The following CSMD2 variants were observed in gnomAD, a reference collection of about 807,000 sequenced individuals.
CSMD2 encodes CUB and Sushi multiple domains 2, also known as CUB and sushi domain-containing protein 2.
In CSMD2, 130 loss-of-function variants were observed where a neutral mutation model predicts 398.5. The observed-to-expected ratio is 0.33, with a 90% CI of 0.28 to 0.38. The LOEUF (loss-of-function observed/expected upper bound fraction) is 0.38. Among genes scored for constraint, CSMD2 ranks in the 10% least tolerant of loss-of-function variants. CSMD2 has a pLI of 1.00. For synonymous variants in CSMD2, 1,828 were observed against 1,908.5 expected (o/e 0.96, Z 1.10); for missense variants, 3,829 against 4,764.9 (o/e 0.80, Z 5.78).
At chr1:33,695,119 A>T (rs1478064686) in intron 24 of CSMD2, among the ~76,000 whole-genome samples, 3 of 152,112 alleles carry the variant, frequency 2.0e-5, no homozygotes, top group African/African-American at 7.2e-5. Context: ...CAAGGGTAGG[A>T]TGGGAAGGAG....
At chr1:33,541,705 G>A (rs937659420) in intron 58 of CSMD2, among the ~76,000 whole-genome samples, 5 of 152,144 alleles carry the variant, frequency 3.3e-5, no homozygotes, top group African/African-American at 7.2e-5. Context: ...CTTATGCACC[G>A]CTGCAACTTG....
In CSMD2 at chr1:33,730,530, A is replaced by G. The variant is rs560817907; in HGVS notation, c.2369-3845T>C. 4.1e-4 allele frequency among the ~76,000 whole-genome samples: 63 copies of G among 152,246 alleles called. No individual in the cohort carries two copies. The South Asian group carries it at 0.013, about 32-fold the overall frequency. ...TGAATGCAATGCTAGATTAGTTGGT[A>G]GCATAATCCCACATGAAGAAACTAG... is the stretch of plus-strand genomic sequence containing the variant. On this transcript the variant is annotated intron_variant, in intron 15 of 70. Coordinates refer to ENST00000373381, the MANE Select transcript of CSMD2 (RefSeq NM_001281956.2).
intron 1 of CSMD2, among the ~76,000 whole-genome samples, chr1:34,146,108 C>T (rs1038976018): frequency 2.6e-5 from 4 of 152,254 alleles, no homozygotes; most frequent in East Asian, 1.9e-4. Flanking sequence ...GGCTGGAGTG[C>T]GATGGCATGA....
At chr1:33,745,092 G>A (rs143036569) in intron 13 of CSMD2, among the ~76,000 whole-genome samples, 1 of 152,304 alleles carries the variant, frequency 6.6e-6, no homozygotes, top group East Asian at 1.9e-4. Context: ...AGCCTTTAAT[G>A]TGATACAGTT....
At chr1:34,162,510 A>C (rs77027010) in intron 1 of CSMD2, among the ~76,000 whole-genome samples, 1 of 152,204 alleles carries the variant, frequency 6.6e-6, no homozygotes, top group South Asian at 2.1e-4. Context: ...CCATTTCCAA[A>C]TCTCTGCTGC....
Position 33,557,787 on chromosome 1 carries a change from A to T in CSMD2, c.8690T>A (p.Val2897Glu). Residue 2897 changes from valine to glutamate, a missense_variant, in exon 55 of 71, where the codon GTG (valine) becomes GAG (glutamate). Val to Glu is a moderately radical substitution (Grantham distance 121). Around this residue, in one of 5 missense-constraint regions of CSMD2, gnomAD observed 917 missense variants for 1,199.5 expected, o/e 0.76. Transcript: ENST00000373381. ...NHGFYLLGTP[V>E]LSCQGDGTWD... ...TGTGCCATCTCCCTGGCAGCTGAGC[A>T]CTGGGGTGCCCAGGAGGTAGAAGCC... 2.6e-6 allele frequency: 4 copies of T among 1,536,094 alleles called. No individual in the cohort carries two copies. The highest frequency in any genetic ancestry group is 3.5e-6 in the Non-Finnish European group (4 of 1,146,902).
chr1:34,123,614 T>G (rs1292979359), intron 1 of CSMD2, among the ~76,000 whole-genome samples: 19 of 150,448 alleles, frequency 1.3e-4, no homozygotes, highest in Non-Finnish European at 7.4e-5. Context: ...CGGGGGGGAG[T>G]CTCGGGAACT....
At chr1:33,702,415 T>C (rs1166018718) in intron 22 of CSMD2, among the ~76,000 whole-genome samples, 2 of 152,188 alleles carry the variant, frequency 1.3e-5, no homozygotes, top group Non-Finnish European at 2.9e-5. Flanking sequence ...TTCATCCTAA[T>C]TCATCAAGAA....
chr1:33,719,083 T>TGG (rs11396648), intron 19 of CSMD2, among the ~76,000 whole-genome samples: 5 of 151,968 alleles, frequency 3.3e-5, no homozygotes, highest in Non-Finnish European at 7.4e-5. Flanking sequence ...GGAGGAAGAA[T>TGG]GGGAACTATG....
At chr1:33,802,768 C>A (rs1434610147) in intron 10 of CSMD2, among the ~76,000 whole-genome samples, 1 of 152,202 alleles carries the variant, frequency 6.6e-6, no homozygotes, top group Non-Finnish European at 1.5e-5. Context: ...AATCCCGTGG[C>A]CCTCTCACTC....
intron 5 of CSMD2, among the ~76,000 whole-genome samples, chr1:33,852,977 G>T (rs1638824813): frequency 6.6e-6 from 1 of 152,194 alleles, no homozygotes; most frequent in Non-Finnish European, 1.5e-5. Flanking sequence ...AGAAAAAAAA[G>T]TTTGCTAATT....
chr1:33,803,314 G>A (rs959927513), intron 10 of CSMD2, among the ~76,000 whole-genome samples: 47 of 152,026 alleles, frequency 3.1e-4, no homozygotes, highest in African/African-American at 1.0e-3. Context: ...TCTCACCCAC[G>A]TGCTGAGATA....
At chr1:34,090,497 G>A (rs1411382240) in intron 1 of CSMD2, among the ~76,000 whole-genome samples, 1 of 151,996 alleles carries the variant, frequency 6.6e-6, no homozygotes, top group Non-Finnish European at 1.5e-5. Flanking sequence ...TCACCCCTTT[G>A]GGATGCTCTC....
chr1:34,056,506 C>A (rs1277063474), intron 2 of CSMD2, among the ~76,000 whole-genome samples: 1 of 152,210 alleles, frequency 6.6e-6, no homozygotes. Context: ...TGCATCCTGG[C>A]TCAGCTGTGT....
chr1:33,646,895 G>A (rs1185671933), intron 28 of CSMD2, 60 bp from the exon 29 acceptor site: 2 of 1,522,028 alleles, frequency 1.3e-6, no homozygotes, highest in African/African-American at 1.4e-5. Context: ...CTTTTGCCGG[G>A]GTCTTAGGCT....
intron 5 of CSMD2, among the ~76,000 whole-genome samples, chr1:33,874,059 T>C (rs1234248542): frequency 6.6e-6 from 1 of 152,248 alleles, no homozygotes; most frequent in East Asian, 1.9e-4. Flanking sequence ...TAATAGCTTA[T>C]GTAAGTTCAT....
At chr1:34,162,752 G>C (rs981789205) in intron 1 of CSMD2, among the ~76,000 whole-genome samples, 3 of 151,926 alleles carry the variant, frequency 2.0e-5, no homozygotes, top group African/African-American at 7.3e-5. Context: ...CCAGCTACTC[G>C]GAAGACTGAG....
intron 5 of CSMD2, among the ~76,000 whole-genome samples, chr1:33,888,497 C>A (rs1331212786): frequency 6.6e-6 from 1 of 152,034 alleles, no homozygotes; most frequent in Non-Finnish European, 1.5e-5. Flanking sequence ...GATGAAAGGA[C>A]TATTTCAAAT....
intron 2 of CSMD2, among the ~76,000 whole-genome samples, chr1:34,085,627 G>A (rs887184107): frequency 1.3e-5 from 2 of 152,062 alleles, no homozygotes; most frequent in African/African-American, 2.4e-5. Context: ...AAGATTTTTT[G>A]AGGTTTAGGG....
Sources: gnomAD v4.1 joint callset for allele counts (sites outside exome capture counted in the v4.1 genomes callset) on GRCh38, gnomAD v4.1.1 for gene constraint, gnomAD v4.1.1 regional missense constraint, MANE v1.5 for transcripts, NCBI Gene and HGNC (gene_info 2026-07-23, HGNC 2026-07-21) for gene names.